Variants in DMD observed in about 807,000 individuals in gnomAD.
DMD encodes mutant dystrophin.
Under a neutral mutation model 330.1 loss-of-function variants are expected in DMD, and 63 were observed. The ratio of observed to expected loss-of-function variants is 0.19; its 90% CI spans 0.16 to 0.24. The LOEUF is 0.24. Among genes scored for constraint, DMD ranks in the 10% least tolerant of loss-of-function variants. DMD has a pLI of 1.00. For missense variants in DMD, 3,344 were observed against 2,684.1 expected (o/e 1.25, Z -5.43); for synonymous variants, 1,223 against 959.8 (o/e 1.27, Z -5.07).
chrX:32,095,849 C>T (rs2096501689), intron 44 of DMD, among the ~76,000 whole-genome samples: 1 of 110,877 alleles, frequency 9.0e-6, no homozygotes, highest in Non-Finnish European at 1.9e-5. Flanking sequence ...GCACATATAC[C>T]ATGTGCCTAG....
chrX:31,782,165 G>C (rs746601670), intron 50 of DMD, among the ~76,000 whole-genome samples: 1 of 111,312 alleles, frequency 9.0e-6, no homozygotes, highest in African/African-American at 3.3e-5. Context: ...ATCTCTGCTG[G>C]AGAGTAAATG....
chrX:32,960,962 A>G (rs1184074315), intron 2 of DMD, among the ~76,000 whole-genome samples: 1 of 108,604 alleles, frequency 9.2e-6, no homozygotes, highest in Non-Finnish European at 1.9e-5. Context: ...GAAGTACTGC[A>G]TGATTACATT....
intron 62 of DMD, among the ~76,000 whole-genome samples, chrX:31,303,779 A>G (rs2054827992): frequency 9.0e-6 from 1 of 111,594 alleles, no homozygotes; most frequent in African/African-American, 3.3e-5. Flanking sequence ...CCTTGTATTG[A>G]CAAGTTCCCT....
At chrX:31,815,751 T>C (rs1373847928) in intron 50 of DMD, among the ~76,000 whole-genome samples, 1 of 111,561 alleles carries the variant, frequency 9.0e-6, no homozygotes, top group African/African-American at 3.3e-5. Flanking sequence ...AATTTCCTCA[T>C]CTCTTGAATC....
At chrX:32,003,346 T>C (rs1353475572) in intron 44 of DMD, among the ~76,000 whole-genome samples, 1 of 111,942 alleles carries the variant, frequency 8.9e-6, no homozygotes, top group Non-Finnish European at 1.9e-5. Context: ...AGTGAGGATT[T>C]TGGCAAACTA....
intron 1 of DMD, among the ~76,000 whole-genome samples, chrX:33,265,098 T>C (rs1216148922): frequency 9.0e-6 from 1 of 110,804 alleles, no homozygotes; most frequent in East Asian, 2.8e-4. Flanking sequence ...GATTTTCTAG[T>C]CACTTGAAAT....
intron 1 of DMD, among the ~76,000 whole-genome samples, chrX:33,187,921 T>C (rs1460734983): frequency 9.0e-6 from 1 of 111,607 alleles, no homozygotes; most frequent in Non-Finnish European, 1.9e-5. Flanking sequence ...CTCTTTATGA[T>C]GCTGTGGGTA....
At chrX:32,696,691 GA>G (rs1176760935) in intron 9 of DMD, among the ~76,000 whole-genome samples, 1 of 110,562 alleles carries the variant, frequency 9.0e-6, no homozygotes, top group Non-Finnish European at 1.9e-5. Context: ...ATGAGAGGGG[GA>G]AAAAAACCCC....
At chrX:32,368,444 C>T (rs1035489795) in intron 34 of DMD, among the ~76,000 whole-genome samples, 6 of 111,007 alleles carry the variant, frequency 5.4e-5, no homozygotes, top group Admixed American at 3.9e-4. Context: ...AGACAAAGTA[C>T]GAAGCAACGA....
intron 2 of DMD, among the ~76,000 whole-genome samples, chrX:32,865,669 A>G (rs1251597690): frequency 8.9e-6 from 1 of 112,750 alleles, no homozygotes; most frequent in Admixed American, 9.4e-5. Flanking sequence ...CCTTTCAAAC[A>G]TAACTAATTT....
chrX:31,155,248 A>G (rs2037970230), intron 74 of DMD, among the ~76,000 whole-genome samples: 1 of 112,740 alleles, frequency 8.9e-6, no homozygotes, highest in Admixed American at 9.4e-5. Context: ...TAATTTACAA[A>G]GGTCAAATGA....
At chrX:32,634,296 G>A (rs1206376163) in intron 11 of DMD, among the ~76,000 whole-genome samples, 2 of 111,634 alleles carry the variant, frequency 1.8e-5, no homozygotes, top group Admixed American at 9.5e-5. Context: ...TGGAATCAGG[G>A]ACCCTAGGAG....
At chrX:32,363,673 C>A (rs2097844925) in intron 36 of DMD, among the ~76,000 whole-genome samples, 1 of 111,722 alleles carries the variant, frequency 9.0e-6, no homozygotes, top group South Asian at 3.7e-4. Flanking sequence ...CAGACAATGG[C>A]ATAAATGTGT....
chrX:32,343,612 A>G (rs2097754859), intron 39 of DMD, among the ~76,000 whole-genome samples: 1 of 111,269 alleles, frequency 9.0e-6, no homozygotes, highest in Non-Finnish European at 1.9e-5. Flanking sequence ...TAATATACGA[A>G]TACAATTGAC....
chrX:32,890,226 G>A (rs1464587099), intron 2 of DMD, among the ~76,000 whole-genome samples: 1 of 111,753 alleles, frequency 8.9e-6, no homozygotes, highest in Non-Finnish European at 1.9e-5. Flanking sequence ...AAGTCAGTGA[G>A]TTTCTGAACT....
chrX:33,034,069 A>G (rs932339039), intron 1 of DMD, among the ~76,000 whole-genome samples: 4 of 111,287 alleles, frequency 3.6e-5, no homozygotes, highest in Admixed American at 9.6e-5. Context: ...TTGTGTTCAT[A>G]TACATATTGT....
rs192334203 is a variant in DMD, at chrX:32,804,669, T to G, written c.649+4824A>C. 4.4e-5 allele frequency among the ~76,000 whole-genome samples: 5 copies of G among 112,378 alleles called. No individual in the cohort carries two copies. The East Asian group carries it at 1.4e-3, about 32-fold the overall frequency. On this transcript the variant is annotated intron_variant, in intron 7 of 78. Coordinates refer to ENST00000357033, the MANE Select transcript of DMD (RefSeq NM_004006.3). Reference sequence around the variant, plus strand: ...CAAGTGGGGCCCTGACCCCCGTGCCTCCTGCCTAGGAGATGCCTCCCAGCA... The same window carrying G: ...CAAGTGGGGCCCTGACCCCCGTGCCGCCTGCCTAGGAGATGCCTCCCAGCA...
intron 52 of DMD, among the ~76,000 whole-genome samples, chrX:31,697,366 T>A (rs774821688): frequency 9.0e-6 from 1 of 110,566 alleles, no homozygotes; most frequent in Non-Finnish European, 1.9e-5. Flanking sequence ...ATGTACACAT[T>A]TTTTTTTTCT....
At chrX:32,503,567 TC>T (rs1207778677) in intron 18 of DMD, among the ~76,000 whole-genome samples, 1 of 111,504 alleles carries the variant, frequency 9.0e-6, no homozygotes. Context: ...TGTTTTTGTT[TC>T]TCTTTGAGAC....
Sources: gnomAD v4.1 joint callset for allele counts (sites outside exome capture counted in the v4.1 genomes callset) on GRCh38, gnomAD v4.1.1 for gene constraint, MANE v1.5 for transcripts, NCBI Gene and HGNC (gene_info 2026-07-23, HGNC 2026-07-21) for gene names.